TAF4: variants seen among roughly 807,000 people sequenced by gnomAD.
TAF4 encodes transcription initiation factor TFIID subunit 4.
In TAF4, 9 loss-of-function variants were observed where a neutral mutation model predicts 90.3. The ratio of observed to expected loss-of-function variants is 0.10; its 90% confidence interval spans 0.06 to 0.17. The LOEUF is 0.17. Among genes scored for constraint, TAF4 ranks in the 10% least tolerant of loss-of-function variants. The pLI, the probability that TAF4 is intolerant of heterozygous loss-of-function variation, is 1.00. For missense variants in TAF4, 1,351 were observed against 1,370.7 expected, an observed-to-expected ratio of 0.99 and a Z score of 0.23; for synonymous variants, 818 against 638.9, an observed-to-expected ratio of 1.28 and a Z score of -4.23.
chr20:62,008,895 C>G, intron 5 of TAF4, 157 bp downstream of exon 5: 1 of 989,358 alleles, frequency 1.0e-6, no homozygotes, highest in Non-Finnish European at 1.4e-6. Context: ...CCACACACGC[C>G]TTCGACACGT....
chr20:62,010,296 C>G lies in TAF4; in HGVS notation c.1642-131G>C, dbSNP rs2055771370. The G allele has an allele frequency of 8.0e-6, 11 of 1,369,664 alleles. No individual in the cohort carries two copies. The highest frequency in any genetic ancestry group is 9.9e-6 in the Non-Finnish European group (10 of 1,005,718). 84.8% of individuals were successfully genotyped at this position (1,369,664 alleles called of 1,614,324 possible). A position where few individuals can be genotyped will look rare whatever the true frequency, so the allele number is the denominator to read the frequency against. On this transcript the variant is annotated intron_variant, in intron 3 of 14. Coordinates refer to ENST00000252996, the MANE Select transcript of TAF4 (RefSeq NM_003185.4). The surrounding 1 kb of genome is among the most constrained non-coding windows in gnomAD (Gnocchi z 4.5). ...CCAGGACGCCCAGGAAGCCAAGGAC[C>G]CCGGCCACCTGCCAGCCCGCTGGAC...
At chr20:62,024,498 G>C (rs2055863604) in intron 1 of TAF4, among the ~76,000 whole-genome samples, 1 of 152,220 alleles carries the variant, frequency 6.6e-6, no homozygotes, top group Admixed American at 6.5e-5. Flanking sequence ...GCACAGAACG[G>C]ACAGACTCTT....
In TAF4 at chr20:62,064,477, T is replaced by C. The variant is rs2056109868; in HGVS notation, c.1334A>G (p.Asn445Ser). The change falls in exon 1 of 15, where the codon AAC becomes AGC. Residue 445 changes from asparagine to serine, a missense_variant. Transcript: ENST00000252996. Reference protein sequence around the residue: ...RLPQPPQNPTNIQNFQLPPGM... With the variant: ...RLPQPPQNPTSIQNFQLPPGM... The stretch of plus-strand genomic sequence containing the variant: ...TGGGGGCAGCTGGAAGTTCTGGATG[T>C]TGGTCGGGTTCTGAGGCGGCTGCGG... The C allele has an allele frequency of 1.3e-6, 2 of 1,493,142 alleles. No homozygotes were observed. Among genetic ancestry groups the C allele is most frequent in the African/African-American group, 2.9e-5 (2 of 70,132 alleles). 92.5% of individuals were successfully genotyped at this position (1,493,142 alleles called of 1,614,324 possible).
chr20:62,062,140 G>A (rs1384542598), intron 1 of TAF4, among the ~76,000 whole-genome samples: 1 of 152,222 alleles, frequency 6.6e-6, no homozygotes, highest in African/African-American at 2.4e-5. Flanking sequence ...TCCTCAGTTT[G>A]CAAGACTGAG....
intron 1 of TAF4, among the ~76,000 whole-genome samples, chr20:62,040,312 A>G (rs536838086): frequency 3.9e-5 from 6 of 152,394 alleles, no homozygotes; most frequent in African/African-American, 1.2e-4. Flanking sequence ...ACTGGCACGC[A>G]CACGACACAC....
intron 1 of TAF4, among the ~76,000 whole-genome samples, chr20:62,042,897 C>T (rs1216953452): frequency 6.8e-5 from 1 of 14,724 alleles, no homozygotes; most frequent in East Asian, 1.8e-3. Flanking sequence ...CCCCTGAAGA[C>T]TGCAGGGAGA....
At chr20:62,031,920 G>A (rs2055906711) in intron 1 of TAF4, among the ~76,000 whole-genome samples, 2 of 151,976 alleles carry the variant, frequency 1.3e-5, no homozygotes, top group African/African-American at 4.8e-5. Context: ...GACACGGAAC[G>A]CACAGGACAC....
intron 1 of TAF4, among the ~76,000 whole-genome samples, chr20:62,046,085 G>A (rs182355047): frequency 1.9e-4 from 29 of 152,312 alleles, no homozygotes; most frequent in East Asian, 3.9e-4. Flanking sequence ...TGCAGCAGAC[G>A]GCAGACATTG....
At chr20:62,056,600 G>A (rs1191643063) in intron 1 of TAF4, among the ~76,000 whole-genome samples, 1 of 152,158 alleles carries the variant, frequency 6.6e-6, no homozygotes, top group Non-Finnish European at 1.5e-5. Flanking sequence ...CGAGGGCCAA[G>A]GGAAAGTGCA....
intron 1 of TAF4, among the ~76,000 whole-genome samples, chr20:62,043,384 CA>C (rs2055974903): frequency 6.6e-6 from 1 of 152,250 alleles, no homozygotes; most frequent in Non-Finnish European, 1.5e-5. Context: ...AGTGTTACTA[CA>C]AAAGAGTCAA....
At position 62,000,135 on chromosome 20, in the gene TAF4, A is replaced by G. The variant is rs528111024; in HGVS notation, c.2776T>C (p.Phe926Leu). ...AAACAGCCTGTTACCTTGTAAGAAA[A>G]GTTCTTCTGCTGAGCTGTTTCTGAT... is the stretch of plus-strand genomic sequence containing the variant. ...KISETAQQKN[F>L]SYKDDDRYEQ... Residue 926 changes from phenylalanine to leucine, a missense_variant, in exon 11 of 15, where the codon TTT becomes CTT. By Grantham distance (22) the Phe-to-Leu change is conservative. This residue lies in a region of TAF4 where 95 missense variants were observed against 151.3 expected (regional missense o/e 0.63). Coordinates refer to ENST00000252996, the MANE Select transcript of TAF4 (RefSeq NM_003185.4). 6.2e-7 allele frequency: 1 copy of G among 1,614,220 alleles called. No homozygotes were observed. Among genetic ancestry groups the G allele is most frequent in the South Asian group, 1.1e-5 (1 of 91,086 alleles).
intron 1 of TAF4, among the ~76,000 whole-genome samples, chr20:62,034,827 C>CTTTTCTCTTTTTTTTT (rs555793597): frequency 7.1e-6 from 1 of 141,810 alleles, no homozygotes; most frequent in South Asian, 2.3e-4. Context: ...TCATAGATTT[C>CTTTTCTCTTTTTTTTT]TTTTTTTTTT....
chr20:62,014,804 GA>G, intron 1 of TAF4, 97 bp from the exon 2 acceptor site: 1 of 1,495,554 alleles, frequency 6.7e-7, no homozygotes, highest in Non-Finnish European at 9.0e-7. Flanking sequence ...CTGTGAGAAG[GA>G]AACAAAGGAA....
chr20:62,009,832 C>A (rs2055768056), intron 4 of TAF4, among the ~76,000 whole-genome samples: 1 of 152,248 alleles, frequency 6.6e-6, no homozygotes, highest in Non-Finnish European at 1.5e-5. Flanking sequence ...TTGCTGTTTG[C>A]AGACTTCTGC....
intron 1 of TAF4, among the ~76,000 whole-genome samples, chr20:62,043,117 T>C (rs1568940389): frequency 1.3e-5 from 2 of 151,770 alleles, no homozygotes; most frequent in Non-Finnish European, 2.9e-5. Context: ...AGCCCAGGAG[T>C]CCAAGACCAG....
chr20:62,000,899 T>C (rs1469636345), intron 9 of TAF4, among the ~76,000 whole-genome samples, 178 bp from the exon 10 acceptor site: 1 of 152,192 alleles, frequency 6.6e-6, no homozygotes, highest in Non-Finnish European at 1.5e-5. Flanking sequence ...CCTCGCTGCT[T>C]TCCTGGAAAG....
chr20:62,001,831 C>T (rs1459149945), intron 9 of TAF4, among the ~76,000 whole-genome samples: 1 of 89,996 alleles, frequency 1.1e-5, no homozygotes, highest in African/African-American at 3.9e-5. Flanking sequence ...TTCCTTATCC[C>T]AGTCCCGCAA....
At chr20:62,003,453 G>C (rs886607297) in intron 8 of TAF4, among the ~76,000 whole-genome samples, 179 bp from the exon 9 acceptor site, 1 of 152,106 alleles carries the variant, frequency 6.6e-6, no homozygotes, top group African/African-American at 2.4e-5. Flanking sequence ...TGTACCTCTC[G>C]AGCATTTATT....
At chr20:62,033,031 A>G (rs1010040647) in intron 1 of TAF4, among the ~76,000 whole-genome samples, 2 of 151,936 alleles carry the variant, frequency 1.3e-5, no homozygotes, top group Admixed American at 1.3e-4. Context: ...AAAAGAGGGG[A>G]GGCAGCTGTC....
Sources: allele counts gnomAD v4.1 joint callset (sites outside exome capture counted in the v4.1 genomes callset), GRCh38; gene constraint gnomAD v4.1.1; regional missense constraint gnomAD v4.1.1; non-coding constraint Gnocchi (gnomAD v3.1); transcripts MANE v1.5; gene names NCBI Gene and HGNC (gene_info 2026-07-23, HGNC 2026-07-21).